The following PRKAR2A variants were observed in gnomAD, a reference collection of about 807,000 sequenced individuals.
PRKAR2A encodes cAMP-dependent protein kinase type II-alpha regulatory subunit.
Under a neutral mutation model 51.9 loss-of-function variants are expected in PRKAR2A, and 29 were observed. That is an observed-to-expected ratio of 0.56 (90% CI 0.42 to 0.76). The LOEUF is 0.76. Ranked by LOEUF, PRKAR2A falls within the 30% of genes least tolerant of loss-of-function variation. PRKAR2A has a pLI of 0.00. For synonymous variants in PRKAR2A, 178 were observed against 186.2 expected, an observed-to-expected ratio of 0.96 and a Z score of 0.36; for missense variants, 445 against 512.1, an observed-to-expected ratio of 0.87 and a Z score of 1.26.
chr3:48,776,733 C>T (rs1025296452), intron 5 of PRKAR2A, among the ~76,000 whole-genome samples: 4 of 151,888 alleles, frequency 2.6e-5, no homozygotes, highest in African/African-American at 4.8e-5. Context: ...CCCAGCTACT[C>T]GGGAGGCTGA....
intron 1 of PRKAR2A, among the ~76,000 whole-genome samples, chr3:48,839,170 C>T (rs776111005): frequency 6.6e-6 from 1 of 152,004 alleles, no homozygotes; most frequent in Non-Finnish European, 1.5e-5. Context: ...CGCCTGTAAT[C>T]CTGGCTACTC....
At chr3:48,758,511 A>G (rs975453629) in intron 8 of PRKAR2A, among the ~76,000 whole-genome samples, 7 of 142,116 alleles carry the variant, frequency 4.9e-5, no homozygotes, top group African/African-American at 1.5e-4. Flanking sequence ...TGAACCCAGG[A>G]GGTGGAGGTC....
intron 1 of PRKAR2A, among the ~76,000 whole-genome samples, chr3:48,831,115 G>A (rs2083180931): frequency 6.6e-6 from 1 of 152,078 alleles, no homozygotes; most frequent in Non-Finnish European, 1.5e-5. Context: ...ATAATTATAT[G>A]TACTATACTT....
intron 1 of PRKAR2A, among the ~76,000 whole-genome samples, chr3:48,833,990 G>A (rs1340265804): frequency 6.1e-5 from 9 of 148,406 alleles, no homozygotes; most frequent in Admixed American, 3.4e-4. Context: ...AGCTGAGATC[G>A]CGTCACTCCA....
At chr3:48,780,137 G>A (rs939994791) in intron 5 of PRKAR2A, among the ~76,000 whole-genome samples, 1 of 149,838 alleles carries the variant, frequency 6.7e-6, no homozygotes, top group Non-Finnish European at 1.5e-5. Flanking sequence ...CCAGCCTTGC[G>A]ACAGAGTGAG....
At chr3:48,842,940 G>C (rs1237452590) in intron 1 of PRKAR2A, among the ~76,000 whole-genome samples, 1 of 152,138 alleles carries the variant, frequency 6.6e-6, no homozygotes, top group Admixed American at 6.6e-5. Context: ...AAATGAGTTA[G>C]GGAGGATTCC....
At chr3:48,798,988 C>T (rs1264935181) in intron 2 of PRKAR2A, among the ~76,000 whole-genome samples, 1 of 152,174 alleles carries the variant, frequency 6.6e-6, no homozygotes, top group Non-Finnish European at 1.5e-5. Flanking sequence ...CCTGGACTTA[C>T]CTCTCTTTGC....
rs1161138622 is a variant in PRKAR2A at position 48,750,605 on chromosome 3, A to G, written c.*980T>C. 1 of 152,496 alleles carries G rather than the reference A, an allele frequency of 6.6e-6. No individual in the cohort carries two copies. The highest frequency in any genetic ancestry group is 2.4e-5 in the African/African-American group (1 of 41,456). The allele number at this position is 152,496 out of a possible 1,614,324, so 9.4% of individuals were successfully genotyped here. Reference sequence around the variant, plus strand: ...TACACAACAACTCTGGAGTAGAAGGAAAGAACTCTCTTTATAGTACAACCT... The same window carrying G: ...TACACAACAACTCTGGAGTAGAAGGGAAGAACTCTCTTTATAGTACAACCT... On this transcript the variant is annotated 3_prime_UTR_variant, in exon 11 of 11. Transcript: ENST00000265563.
chr3:48,802,634 TG>T (rs1431526461), intron 2 of PRKAR2A, among the ~76,000 whole-genome samples: 2 of 150,330 alleles, frequency 1.3e-5, no homozygotes, highest in Non-Finnish European at 3.0e-5. Context: ...ACCTGGGAGG[TG>T]GAAGTCGCAG....
intron 6 of PRKAR2A, among the ~76,000 whole-genome samples, chr3:48,770,945 G>T (rs1421964577): frequency 1.3e-5 from 2 of 152,206 alleles, no homozygotes; most frequent in Non-Finnish European, 2.9e-5. Flanking sequence ...GGGTTATTTG[G>T]CCGGGTGCGG....
At position 48,748,137 on chromosome 3, in the gene PRKAR2A, T is replaced by C. The variant is rs2107177688; in HGVS notation, c.*3448A>G. On this transcript the variant is annotated 3_prime_UTR_variant, in exon 11 of 11. Transcript: ENST00000265563. ...AGTTGGAGGAGGATGACTTTTTTTT[T>C]TTTTTTTTGAGATAGGGTCCCACTT... 6.6e-6 allele frequency: 1 copy of C among 151,932 alleles called. No homozygotes were observed. Among genetic ancestry groups the C allele is most frequent in the South Asian group, 2.1e-4 (1 of 4,796 alleles). 9.4% of individuals were successfully genotyped at this position (151,932 alleles called of 1,614,324 possible).
chr3:48,807,778 A>C, intron 1 of PRKAR2A, 94 bp from the exon 2 acceptor site: 1 of 1,029,966 alleles, frequency 9.7e-7, no homozygotes, highest in Non-Finnish European at 1.5e-6. Context: ...AATAGACCTA[A>C]GCCCCTCAAA....
intron 8 of PRKAR2A, among the ~76,000 whole-genome samples, chr3:48,758,795 G>A (rs2081816251): frequency 6.6e-6 from 1 of 152,056 alleles, no homozygotes. Context: ...TGCCAAAGAA[G>A]TCTAAGAAAG....
chr3:48,843,937 A>G (rs2083420218), intron 1 of PRKAR2A, among the ~76,000 whole-genome samples: 1 of 150,690 alleles, frequency 6.6e-6, no homozygotes, highest in Admixed American at 6.6e-5. Flanking sequence ...CAAGGACTTC[A>G]TGTCTAAAAC....
chr3:48,781,265 T>A (rs1331702178), intron 5 of PRKAR2A, among the ~76,000 whole-genome samples: 2 of 150,538 alleles, frequency 1.3e-5, no homozygotes, highest in Non-Finnish European at 3.0e-5. Context: ...GCATTACAGG[T>A]GTGAGCCACC....
intron 1 of PRKAR2A, among the ~76,000 whole-genome samples, chr3:48,816,947 C>T (rs551534766): frequency 6.6e-6 from 1 of 151,926 alleles, no homozygotes; most frequent in African/African-American, 2.4e-5. Flanking sequence ...CTTAGGAGGC[C>T]GAGGCAGGAG....
chr3:48,771,382 C>T (rs1559610446), intron 6 of PRKAR2A, among the ~76,000 whole-genome samples: 1 of 152,008 alleles, frequency 6.6e-6, no homozygotes, highest in Non-Finnish European at 1.5e-5. Flanking sequence ...GTGGTGCACA[C>T]CTGTAGTCCC....
intron 2 of PRKAR2A, among the ~76,000 whole-genome samples, chr3:48,802,013 G>A (rs2082598282): frequency 6.6e-6 from 1 of 152,142 alleles, no homozygotes; most frequent in African/African-American, 2.4e-5. Flanking sequence ...GGGTTGAAGC[G>A]ATTCTCCTGC....
intron 1 of PRKAR2A, among the ~76,000 whole-genome samples, chr3:48,829,629 T>TAC (rs1225188638): frequency 5.8e-5 from 8 of 137,502 alleles, no homozygotes; most frequent in East Asian, 2.3e-4. Flanking sequence ...TACGTGTGTA[T>TAC]ACACACACAT....
Sources: allele counts gnomAD v4.1 joint callset (sites outside exome capture counted in the v4.1 genomes callset), GRCh38; gene constraint gnomAD v4.1.1; transcripts MANE v1.5; gene names NCBI Gene and HGNC (gene_info 2026-07-23, HGNC 2026-07-21).